The following NLGN1 variants were observed in gnomAD, a reference collection of about 807,000 sequenced individuals.
NLGN1 encodes the protein neuroligin 1.
Under a neutral mutation model 65.5 loss-of-function variants are expected in NLGN1, and 12 were observed. The ratio of observed to expected loss-of-function variants is 0.18; its 90% CI spans 0.12 to 0.30. NLGN1 has a LOEUF of 0.30. Ranked by LOEUF, NLGN1 falls within the 10% of genes least tolerant of loss-of-function variation. The pLI, the probability that NLGN1 is intolerant of heterozygous loss-of-function variation, is 1.00. For synonymous variants in NLGN1, 350 were observed against 359.5 expected (o/e 0.97, Z 0.30); for missense variants, 750 against 1,007.1 (o/e 0.74, Z 3.46).
rs374944825 is a variant in NLGN1 at position 174,030,325 on chromosome 3, C to T, written c.646+222493C>T. Among the ~76,000 whole-genome samples, 17 of 152,070 alleles carry T rather than the reference C, an allele frequency of 1.1e-4. No individual in the cohort carries two copies. In the East Asian group the frequency reaches 1.9e-3, roughly 17 times the overall value. On this transcript the variant is annotated intron_variant, in intron 4 of 6. Transcript: ENST00000457714. Reference sequence around the variant, plus strand: ...ATTTTTAGTAGAGATGGGGTTTCACCATGTTGGCCAGGCTGGTCTCGAACT... The same window carrying T: ...ATTTTTAGTAGAGATGGGGTTTCACTATGTTGGCCAGGCTGGTCTCGAACT...
intron 4 of NLGN1, among the ~76,000 whole-genome samples, chr3:173,920,332 A>G (rs142834378): frequency 4.3e-4 from 66 of 152,320 alleles, no homozygotes; most frequent in African/African-American, 1.4e-3. Flanking sequence ...TAAACGTTAT[A>G]TTGCCATTGA....
chr3:173,736,077 C>T (rs1219959886), intron 3 of NLGN1, among the ~76,000 whole-genome samples: 6 of 151,848 alleles, frequency 4.0e-5, no homozygotes, highest in African/African-American at 1.2e-4. Flanking sequence ...GGGAGGTAGG[C>T]ACAGACTGAA....
intron 3 of NLGN1, among the ~76,000 whole-genome samples, chr3:173,638,921 A>C (rs1001510286): frequency 2.0e-5 from 3 of 152,164 alleles, no homozygotes; most frequent in Non-Finnish European, 4.4e-5. Context: ...TAGTGAATAA[A>C]TAAAGGAGTA....
intron 4 of NLGN1, among the ~76,000 whole-genome samples, chr3:174,177,372 A>C (rs1729643157): frequency 6.6e-6 from 1 of 152,082 alleles, no homozygotes; most frequent in African/African-American, 2.4e-5. Flanking sequence ...TAGAGATCAA[A>C]ATTGTAATAT....
At chr3:173,725,467 T>C (rs1700536184) in intron 3 of NLGN1, among the ~76,000 whole-genome samples, 1 of 152,204 alleles carries the variant, frequency 6.6e-6, no homozygotes, top group South Asian at 2.1e-4. Context: ...GCCTAGCACA[T>C]ATTAAATGCT....
chr3:173,702,164 G>A (rs1045172474), intron 3 of NLGN1, among the ~76,000 whole-genome samples: 4 of 149,172 alleles, frequency 2.7e-5, no homozygotes, highest in Non-Finnish European at 4.5e-5. Context: ...GCGTGAACCC[G>A]GGAGGCGGAG....
At chr3:173,448,683 A>G (rs1165479587) in intron 2 of NLGN1, among the ~76,000 whole-genome samples, 21 of 152,122 alleles carry the variant, frequency 1.4e-4, no homozygotes, top group Non-Finnish European at 5.9e-5. Context: ...CTGTGAATCC[A>G]TCTGGTCCTG....
intron 3 of NLGN1, among the ~76,000 whole-genome samples, chr3:173,736,237 C>T (rs1488565): frequency 0.87 from 131,898 of 152,080 alleles, 57,314 homozygotes; most frequent in East Asian, 1. Flanking sequence ...TCTTTTCTTT[C>T]TCCTTTCTTC....
At chr3:173,496,893 T>C (rs1441961495) in intron 2 of NLGN1, among the ~76,000 whole-genome samples, 1 of 151,910 alleles carries the variant, frequency 6.6e-6, no homozygotes, top group Non-Finnish European at 1.5e-5. Flanking sequence ...CTTCTTATAG[T>C]CTTCCAGAAG....
intron 4 of NLGN1, among the ~76,000 whole-genome samples, chr3:174,118,106 T>G (rs1260883021): frequency 6.6e-6 from 1 of 152,220 alleles, no homozygotes; most frequent in African/African-American, 2.4e-5. Context: ...TATTTTTATT[T>G]TTTATATTCA....
At chr3:173,456,295 G>T (rs1722507664) in intron 2 of NLGN1, among the ~76,000 whole-genome samples, 1 of 152,092 alleles carries the variant, frequency 6.6e-6, no homozygotes, top group Non-Finnish European at 1.5e-5. Flanking sequence ...GGTGAGGATG[G>T]GGAGAAGGCA....
chr3:174,200,884 C>A (rs972811009), intron 4 of NLGN1, among the ~76,000 whole-genome samples: 1 of 152,102 alleles, frequency 6.6e-6, no homozygotes, highest in African/African-American at 2.4e-5. Context: ...TAATCTTTTT[C>A]TCTGATCCTA....
chr3:173,804,315 G>A (rs16830651), intron 3 of NLGN1, among the ~76,000 whole-genome samples: 5,708 of 152,132 alleles, frequency 0.038, 253 homozygotes, highest in East Asian at 0.18. Flanking sequence ...GTGTGTTCTT[G>A]TGATTTTAGT....
At chr3:173,735,170 A>G (rs902730004) in intron 3 of NLGN1, among the ~76,000 whole-genome samples, 3 of 152,122 alleles carry the variant, frequency 2.0e-5, no homozygotes, top group Non-Finnish European at 4.4e-5. Flanking sequence ...ATGTATGGGC[A>G]TAAGATACAA....
At chr3:173,872,144 CTG>C (rs1309206303) in intron 4 of NLGN1, among the ~76,000 whole-genome samples, 11 of 152,096 alleles carry the variant, frequency 7.2e-5, no homozygotes, top group African/African-American at 2.7e-4. Context: ...CTCTCGTGGA[CTG>C]AGAGAGGACA....
chr3:173,708,030 G>GC (rs1452344186), intron 3 of NLGN1, among the ~76,000 whole-genome samples: 1 of 152,156 alleles, frequency 6.6e-6, no homozygotes, highest in African/African-American at 2.4e-5. Context: ...GACAGGTAAA[G>GC]CTCCTTACAG....
chr3:174,111,694 A>G, intron 4 of NLGN1, among the ~76,000 whole-genome samples: 1 of 151,974 alleles, frequency 6.6e-6, no homozygotes, highest in African/African-American at 2.4e-5. Flanking sequence ...AATGGTAATT[A>G]CACTTGGTAG....
chr3:174,280,113 A>C lies in NLGN1; in HGVS notation c.1650-368A>C, dbSNP rs538222631. The stretch of plus-strand genomic sequence containing the variant: ...GGTATATAGCAGAGCCTAGGCTCAA[A>C]CCTTCATCTGCTAATTTAAAATCAA... On this transcript the variant is annotated intron_variant, in intron 6 of 6. Coordinates refer to ENST00000457714, the Ensembl canonical transcript of NLGN1. The surrounding 1 kb of genome is among the most constrained non-coding windows in gnomAD (Gnocchi z 4.9). Among the ~76,000 whole-genome samples, 1 of 152,120 alleles carries C rather than the reference A, an allele frequency of 6.6e-6. No homozygotes were observed. The highest frequency in any genetic ancestry group is 2.1e-4 in the South Asian group (1 of 4,824).
At chr3:173,857,028 A>T (rs1346743510) in intron 4 of NLGN1, among the ~76,000 whole-genome samples, 1 of 151,982 alleles carries the variant, frequency 6.6e-6, no homozygotes, top group Non-Finnish European at 1.5e-5. Flanking sequence ...GATAAAAAAA[A>T]AAAAAAGAGG....
Sources: gnomAD v4.1 joint callset for allele counts (sites outside exome capture counted in the v4.1 genomes callset) on GRCh38, gnomAD v4.1.1 for gene constraint, Gnocchi (gnomAD v3.1) non-coding constraint, MANE v1.5 for transcripts, NCBI Gene and HGNC (gene_info 2026-07-23, HGNC 2026-07-21) for gene names.